KMT2C: variants seen among roughly 807,000 people sequenced by gnomAD.
KMT2C encodes the protein histone-lysine N-methyltransferase 2C.
A neutral mutation model predicts 507.9 loss-of-function variants in KMT2C; 88 were observed. That is an observed-to-expected ratio of 0.17 (90% CI 0.15 to 0.21). The LOEUF is 0.21. Ranked by LOEUF, KMT2C falls within the 10% of genes least tolerant of loss-of-function variation. The pLI is 1.00. For synonymous variants in KMT2C, 2,049 were observed against 2,080.8 expected (o/e 0.98, Z 0.42); for missense variants, 4,954 against 5,957.8 (o/e 0.83, Z 5.55).
At chr7:152,290,292 A>T (rs1428118209) in intron 6 of KMT2C, among the ~76,000 whole-genome samples, 34 of 28,596 alleles carry the variant, frequency 1.2e-3, no homozygotes, top group Middle Eastern at 0.019. Flanking sequence ...ATATATATAT[A>T]TATTTTTTTT....
At chr7:152,295,938 G>C (rs1314657754) in intron 6 of KMT2C, among the ~76,000 whole-genome samples, 1 of 151,760 alleles carries the variant, frequency 6.6e-6, no homozygotes, top group Non-Finnish European at 1.5e-5. Context: ...CATGGTGGCG[G>C]GTGCCTATAG....
chr7:152,359,131 G>A (rs1261049060), intron 1 of KMT2C, among the ~76,000 whole-genome samples: 2 of 152,060 alleles, frequency 1.3e-5, no homozygotes, highest in Non-Finnish European at 2.9e-5. Flanking sequence ...TTTGGTGACT[G>A]TGATGCAGAT....
chr7:152,378,822 G>A (rs975753518), intron 1 of KMT2C, among the ~76,000 whole-genome samples: 2 of 152,106 alleles, frequency 1.3e-5, no homozygotes, highest in Non-Finnish European at 2.9e-5. Context: ...TTCCAACAGT[G>A]TATTATGTCA....
chr7:152,305,639 A>G (rs1041292445), intron 6 of KMT2C, among the ~76,000 whole-genome samples: 4 of 152,080 alleles, frequency 2.6e-5, no homozygotes, highest in African/African-American at 9.7e-5. Context: ...ATCTATTTAC[A>G]TCAGTATGGA....
At chr7:152,411,800 A>G (rs1358695318) in intron 1 of KMT2C, among the ~76,000 whole-genome samples, 4 of 152,308 alleles carry the variant, frequency 2.6e-5, no homozygotes, top group African/African-American at 9.6e-5. Context: ...TAAATAATAA[A>G]AGGGAAACGA....
intron 2 of KMT2C, among the ~76,000 whole-genome samples, chr7:152,347,747 AC>A (rs2097073651): frequency 6.6e-6 from 1 of 152,212 alleles, no homozygotes; most frequent in Non-Finnish European, 1.5e-5. Context: ...ATGGTAGTAA[AC>A]AATAAAACAG....
chr7:152,411,779 T>A, intron 1 of KMT2C, among the ~76,000 whole-genome samples: 3 of 151,988 alleles, frequency 2.0e-5, no homozygotes, highest in African/African-American at 7.2e-5. Flanking sequence ...TAAAGAAATC[T>A]AGGATTTCTT....
intron 13 of KMT2C, among the ~76,000 whole-genome samples, 191 bp downstream of exon 13, chr7:152,249,685 A>C (rs1423054823): frequency 0.011 from 1,710 of 150,438 alleles, 24 homozygotes; most frequent in African/African-American, 0.038. Context: ...AAAAAAAAAA[A>C]AAAAAAAAAA....
chr7:152,344,964 G>C (rs1315206640), intron 2 of KMT2C, among the ~76,000 whole-genome samples: 1 of 152,016 alleles, frequency 6.6e-6, no homozygotes. Context: ...TCCAGCCTGG[G>C]CAACAGAGTG....
In KMT2C at chr7:152,212,842, A is replaced by G. The variant is rs189896729; in HGVS notation, c.3713-5414T>C. On this transcript the variant is annotated intron_variant, in intron 23 of 58. Coordinates refer to ENST00000262189, the MANE Select transcript of KMT2C (RefSeq NM_170606.3). ...GATCACCTGAAGTCAGGAGTTCAAG[A>G]CCAGCCTGGCCAACATGGCGAAACC... Among the ~76,000 whole-genome samples, 62 of 152,350 alleles carry G rather than the reference A, an allele frequency of 4.1e-4. No individual in the cohort carries two copies. The East Asian group carries it at 9.6e-3, about 24-fold the overall frequency.
intron 23 of KMT2C, among the ~76,000 whole-genome samples, chr7:152,209,078 GA>G (rs1421226900): frequency 6.6e-6 from 1 of 151,514 alleles, no homozygotes; most frequent in Admixed American, 6.6e-5. Flanking sequence ...AGAATTGCTT[GA>G]ACCTGGGAGG....
intron 35 of KMT2C, 132 bp from the exon 36 acceptor site, chr7:152,182,726 G>C: frequency 1.2e-6 from 1 of 847,976 alleles, no homozygotes; most frequent in Non-Finnish European, 1.8e-6. Context: ...ATTAGATTAT[G>C]AATTCCTGAA....
chr7:152,270,742 T>C (rs1181754178), intron 7 of KMT2C, among the ~76,000 whole-genome samples: 1 of 152,172 alleles, frequency 6.6e-6, no homozygotes, highest in Non-Finnish European at 1.5e-5. Context: ...ATTTTTAGGG[T>C]AAAATTTCCA....
intron 2 of KMT2C, among the ~76,000 whole-genome samples, chr7:152,343,450 G>GAAAA (rs200886066): frequency 5.5e-5 from 4 of 72,460 alleles, no homozygotes; most frequent in Admixed American, 1.4e-4. Context: ...AAAAGACTGG[G>GAAAA]AAAAAAAAAA....
chr7:152,152,252 TGTG>T (rs1286324973), intron 49 of KMT2C, among the ~76,000 whole-genome samples: 1 of 152,296 alleles, frequency 6.6e-6, no homozygotes, highest in East Asian at 1.9e-4. Flanking sequence ...TGAACACCTC[TGTG>T]GGAAGAGAAG....
intron 6 of KMT2C, among the ~76,000 whole-genome samples, chr7:152,307,960 C>T (rs2096635933): frequency 6.6e-6 from 1 of 151,962 alleles, no homozygotes; most frequent in African/African-American, 2.4e-5. Context: ...ACAAAATAGC[C>T]CAAAATAAAA....
chr7:152,364,934 G>GACACACACACACACAC (rs71198778), intron 1 of KMT2C, among the ~76,000 whole-genome samples: 7 of 138,058 alleles, frequency 5.1e-5, no homozygotes, highest in African/African-American at 1.9e-4. Context: ...GAAACAGACA[G>GACACACACACACACAC]ACACACACAC....
At chr7:152,255,152 T>C (rs866241469) in intron 9 of KMT2C, among the ~76,000 whole-genome samples, 6 of 135,106 alleles carry the variant, frequency 4.4e-5, no homozygotes, top group South Asian at 2.3e-4. Flanking sequence ...TATACATATA[T>C]ATATATGTGT....
At chr7:152,249,174 G>A (rs2095522691) in intron 13 of KMT2C, among the ~76,000 whole-genome samples, 1 of 152,060 alleles carries the variant, frequency 6.6e-6, no homozygotes, top group Non-Finnish European at 1.5e-5. Flanking sequence ...TATAAACTTA[G>A]ATATCAGAAA....
Sources: allele counts gnomAD v4.1 joint callset (sites outside exome capture counted in the v4.1 genomes callset), GRCh38; gene constraint gnomAD v4.1.1; transcripts MANE v1.5; gene names NCBI Gene and HGNC (gene_info 2026-07-23, HGNC 2026-07-21).